Variants in TAF4 observed in about 807,000 individuals in gnomAD.
TAF4 encodes the protein transcription initiation factor TFIID subunit 4.
TAF4 carries 9 observed loss-of-function variants against 90.3 expected under a neutral mutation model. The ratio of observed to expected loss-of-function variants is 0.10; its 90% CI spans 0.06 to 0.17. TAF4 has a LOEUF of 0.17. Ranked by LOEUF, TAF4 falls within the 10% of genes least tolerant of loss-of-function variation. The pLI, the probability that TAF4 is intolerant of heterozygous loss-of-function variation, is 1.00. For missense variants in TAF4, 1,351 were observed against 1,370.7 expected (o/e 0.99, Z 0.23); for synonymous variants, 818 against 638.9 (o/e 1.28, Z -4.23).
intron 1 of TAF4, among the ~76,000 whole-genome samples, chr20:62,016,896 T>TTAA (rs1444898769): frequency 1.3e-5 from 2 of 152,026 alleles, no homozygotes; most frequent in African/African-American, 4.8e-5. Context: ...TCCAGCACTT[T>TTAA]AGGAGGCCAA....
intron 1 of TAF4, among the ~76,000 whole-genome samples, chr20:62,038,931 T>G (rs2055948647): frequency 6.6e-6 from 1 of 152,196 alleles, no homozygotes; most frequent in Non-Finnish European, 1.5e-5. Flanking sequence ...CACGTGCCTG[T>G]AATCCCAGCT....
intron 1 of TAF4, among the ~76,000 whole-genome samples, chr20:62,051,055 G>A (rs2056024401): frequency 6.6e-6 from 1 of 152,194 alleles, no homozygotes; most frequent in Non-Finnish European, 1.5e-5. Context: ...AAGTTACAAG[G>A]AGGTTCAGAA....
rs1292509407 is a variant in TAF4, at chr20:62,065,125, G to C, written c.686C>G (p.Pro229Arg). Residue 229 changes from proline (P) to arginine (R), a missense_variant, in exon 1 of 15, where the codon CCC becomes CGC. Pro to Arg is a moderately radical substitution (Grantham distance 103). Around this residue, in one of 9 missense-constraint regions of TAF4, gnomAD observed 782 missense variants for 536.6 expected, o/e 1.46. Coordinates refer to ENST00000252996, the MANE Select transcript of TAF4 (RefSeq NM_003185.4). ...GACAGTGCCGGGGGCGGCGGGCTTG[G>C]GCAGCGGCAGCAGCGCGGCGGGCCC... is the stretch of plus-strand genomic sequence containing the variant. ...NNGPAALLPLPKPAAPGTVIQ... is the reference protein window; with the variant it reads ...NNGPAALLPLRKPAAPGTVIQ... The C allele has an allele frequency of 1.7e-6, 2 of 1,164,436 alleles. No individual in the cohort carries two copies. The highest frequency in any genetic ancestry group is 2.2e-6 in the Non-Finnish European group (2 of 923,262). 72.1% of individuals were successfully genotyped at this position (1,164,436 alleles called of 1,614,324 possible). A position where few individuals can be genotyped will look rare whatever the true frequency, so the allele number is the denominator to read the frequency against.
At chr20:62,009,011 A>G (rs548248659) in intron 5 of TAF4, 41 bp downstream of exon 5, 1 of 1,598,516 alleles carries the variant, frequency 6.3e-7, no homozygotes, top group African/African-American at 1.3e-5. Flanking sequence ...CCTATGCAAC[A>G]GGCTTTAGGG....
Position 62,006,529 on chromosome 20 carries a change from T to C in TAF4, c.2204A>G (p.Gln735Arg). ...TQPTQVGVGK[Q>R]GQPTPLVIQQ... The stretch of plus-strand genomic sequence containing the variant: ...CCATACCAGCGGTGTGGGTTGCCCC[T>C]GCTTGCCGACGCCGACCTGCGTGGG... The change falls in exon 7 of 15, where the codon CAG becomes CGG. Residue 735 changes from glutamine (Q) to arginine (R), a missense_variant. Gln to Arg is a conservative substitution (Grantham distance 43, BLOSUM62 1). Transcript: ENST00000252996. This position sits in a 1 kb window ranked among gnomAD's most constrained non-coding sequence, Gnocchi z 7.0. The C allele has an allele frequency of 1.3e-6, 2 of 1,544,164 alleles. No individual in the cohort carries two copies. Among genetic ancestry groups the C allele is most frequent in the Non-Finnish European group, 1.7e-6 (2 of 1,146,196 alleles).
chr20:62,049,594 C>G (rs1419836119), intron 1 of TAF4, among the ~76,000 whole-genome samples: 1 of 137,496 alleles, frequency 7.3e-6, no homozygotes, highest in African/African-American at 2.7e-5. Context: ...CACCCATACT[C>G]ACACCTGCAG....
rs2055483842 is a variant in TAF4, at chr20:61,974,961, CAAAAT to C, written c.*1202_*1206del. The C allele has an allele frequency of 1.3e-5, 2 of 152,108 alleles. No homozygotes were observed. Among genetic ancestry groups the C allele is most frequent in the Non-Finnish European group, 2.9e-5 (2 of 67,968 alleles). The allele number at this position is 152,108 out of a possible 1,614,324, so 9.4% of individuals were successfully genotyped here. ...GGAAAGACAGGGATTTCCTAAAAGA[CAAAAT>C]AAAAGGTGTAACAGTTCTCAGGTGT... is the stretch of plus-strand genomic sequence containing the variant. On this transcript the variant is annotated 3_prime_UTR_variant, in exon 15 of 15. Coordinates refer to ENST00000252996, the MANE Select transcript of TAF4 (RefSeq NM_003185.4). The surrounding 1 kb of genome is among the most constrained non-coding windows in gnomAD (Gnocchi z 4.1).
intron 1 of TAF4, among the ~76,000 whole-genome samples, chr20:62,054,953 C>T (rs1225681186): frequency 2.0e-5 from 3 of 152,104 alleles, no homozygotes; most frequent in Non-Finnish European, 4.4e-5. Flanking sequence ...TTGTCTTCAC[C>T]CCTCCCTCCA....
chr20:62,014,884 A>T (rs746000604), intron 1 of TAF4, among the ~76,000 whole-genome samples, 177 bp from the exon 2 acceptor site: 1 of 152,242 alleles, frequency 6.6e-6, no homozygotes, highest in Non-Finnish European at 1.5e-5. Flanking sequence ...TATACAAGAC[A>T]AAAAAACTGT....
chr20:62,054,785 A>G (rs924541556), intron 1 of TAF4, among the ~76,000 whole-genome samples: 11 of 152,036 alleles, frequency 7.2e-5, no homozygotes, highest in Non-Finnish European at 1.5e-4. Context: ...AGTCTACTCT[A>G]CAGGCTCATA....
chr20:61,995,630 G>A lies in TAF4; in HGVS notation c.3090+1920C>T, dbSNP rs1414326533. ...TGTAATCCCAGCACTTTGGGAGGCC[G>A]AGGCGGGTGGATCATGAGGTCAGGA... On this transcript the variant is annotated intron_variant, in intron 14 of 14. Transcript: ENST00000252996. 1.3e-4 allele frequency among the ~76,000 whole-genome samples: 2 copies of A among 15,806 alleles called. 1 individual carries two copies. The highest frequency in any genetic ancestry group is 2.5e-4 in the Non-Finnish European group (2 of 7,862). 10.4% of individuals were successfully genotyped at this position (15,806 alleles called of 152,430 possible). A position where few individuals can be genotyped will look rare whatever the true frequency, so the allele number is the denominator to read the frequency against.
chr20:62,003,866 G>A lies in TAF4; in HGVS notation c.2236C>T (p.Pro746Ser), dbSNP rs756079365. 2 of 1,574,276 alleles carry A rather than the reference G, an allele frequency of 1.3e-6. No homozygotes were observed. The highest frequency in any genetic ancestry group is 1.7e-6 in the Non-Finnish European group (2 of 1,162,392). The stretch of plus-strand genomic sequence containing the variant: ...CGGATCAGGGCTCCTGGCTTCGGAG[G>A]CTGCTGGATGACCTGAGGCAGAGCC... ...GQPTPLVIQQ[P>S]PKPGALIRPP... Residue 746 changes from proline (P) to serine (S), a missense_variant, in exon 8 of 15, where the codon CCT becomes TCT. Pro to Ser is a moderately conservative substitution (Grantham distance 74, BLOSUM62 -1). Transcript: ENST00000252996.
At chr20:62,028,971 C>T (rs1308742029) in intron 1 of TAF4, among the ~76,000 whole-genome samples, 4 of 152,084 alleles carry the variant, frequency 2.6e-5, no homozygotes, top group Admixed American at 1.3e-4. Context: ...CCAAGGCAGG[C>T]GGATCACGAG....
chr20:61,985,227 G>C (rs926615357), intron 14 of TAF4, among the ~76,000 whole-genome samples: 4 of 151,766 alleles, frequency 2.6e-5, no homozygotes, highest in African/African-American at 9.7e-5. Context: ...GTGAGTGACG[G>C]CCACACTGAG....
At chr20:62,047,030 T>A (rs1032102869) in intron 1 of TAF4, among the ~76,000 whole-genome samples, 1 of 152,250 alleles carries the variant, frequency 6.6e-6, no homozygotes, top group African/African-American at 2.4e-5. Context: ...TAACAACGTC[T>A]GTCAACCAGC....
At chr20:62,038,945 C>T (rs1015959336) in intron 1 of TAF4, among the ~76,000 whole-genome samples, 1 of 152,062 alleles carries the variant, frequency 6.6e-6, no homozygotes, top group African/African-American at 2.4e-5. Flanking sequence ...CCCAGCTACT[C>T]GGGAGGCTGA....
chr20:62,016,464 G>A (rs1021181661), intron 1 of TAF4, among the ~76,000 whole-genome samples: 4 of 152,186 alleles, frequency 2.6e-5, no homozygotes, highest in African/African-American at 7.2e-5. Flanking sequence ...TGAGTCCTCC[G>A]GCCTCCATCT....
chr20:62,007,806 A>T, intron 5 of TAF4, 170 bp from the exon 6 acceptor site: 1 of 605,864 alleles, frequency 1.7e-6, no homozygotes, highest in Non-Finnish European at 2.8e-6. Flanking sequence ...CATGTGTGAC[A>T]GGCGCTCACC....
At position 61,975,788 on chromosome 20, in the gene TAF4, G is replaced by A. The variant is rs2055490444; in HGVS notation, c.*380C>T. ...AATAAACGAAATGAGGTCATCGGCTGTAGACATACACCTACATAGTAAGTT... is the reference window on the plus strand; with the variant it reads ...AATAAACGAAATGAGGTCATCGGCTATAGACATACACCTACATAGTAAGTT... On this transcript the variant is annotated 3_prime_UTR_variant, in exon 15 of 15. Transcript: ENST00000252996. 1 of 196,088 alleles carries A rather than the reference G, an allele frequency of 5.1e-6. No homozygotes were observed. Among genetic ancestry groups the A allele is most frequent in the Non-Finnish European group, 1.1e-5 (1 of 94,698 alleles). 12.1% of individuals were successfully genotyped at this position (196,088 alleles called of 1,614,324 possible). A position where few individuals can be genotyped will look rare whatever the true frequency, so the allele number is the denominator to read the frequency against.
Sources: gnomAD v4.1 joint callset for allele counts (sites outside exome capture counted in the v4.1 genomes callset) on GRCh38, gnomAD v4.1.1 for gene constraint, gnomAD v4.1.1 regional missense constraint, Gnocchi (gnomAD v3.1) non-coding constraint, MANE v1.5 for transcripts, NCBI Gene and HGNC (gene_info 2026-07-23, HGNC 2026-07-21) for gene names.